The following GLRA3 variants were observed in gnomAD, a reference collection of about 807,000 sequenced individuals.
GLRA3 encodes the protein glycine receptor alpha 3.
A neutral mutation model predicts 60.4 loss-of-function variants in GLRA3; 44 were observed. That is an observed-to-expected ratio of 0.73 (90% confidence interval 0.57 to 0.94). The LOEUF is 0.94. Among genes scored for constraint, GLRA3 ranks in the 40% least tolerant of loss-of-function variants. GLRA3 has a pLI of 0.00. For synonymous variants in GLRA3, 223 were observed against 192.9 expected, an observed-to-expected ratio of 1.16 and a Z score of -1.29; for missense variants, 508 against 564.6, an observed-to-expected ratio of 0.90 and a Z score of 1.02.
rs372292473 is a variant in GLRA3, at chr4:174,643,812, C to T, written c.1369G>A (p.Glu457Lys). 7 of 1,613,444 alleles carry T rather than the reference C, an allele frequency of 4.3e-6. No individual in the cohort carries two copies. In the African/African-American group the frequency reaches 8.0e-5, roughly 18 times the overall value. The change falls in exon 10 of 10, where the codon GAG becomes AAG. Residue 457 changes from glutamate to lysine, a missense_variant. Transcript: ENST00000274093. ...YWVIYKILRHEDIHQQQD is the reference protein window; with the variant it reads ...YWVIYKILRHKDIHQQQD ...TAATCTTGCTGCTGATGAATATCCT[C>T]ATGCCTAAGAATTTTATAGATAACC...
intron 9 of GLRA3, among the ~76,000 whole-genome samples, chr4:174,645,767 C>T (rs757466644): frequency 1.3e-5 from 2 of 152,132 alleles, no homozygotes; most frequent in Non-Finnish European, 2.9e-5. Flanking sequence ...CGATTTTCCA[C>T]TACTCTTTAA....
chr4:174,735,842 C>T (rs936047917), intron 3 of GLRA3, among the ~76,000 whole-genome samples: 7 of 152,124 alleles, frequency 4.6e-5, no homozygotes, highest in East Asian at 3.9e-4. Flanking sequence ...GATTCCACCA[C>T]GCCTGGCCTC....
intron 2 of GLRA3, among the ~76,000 whole-genome samples, chr4:174,776,801 C>A (rs1738622535): frequency 6.6e-6 from 1 of 152,208 alleles, no homozygotes; most frequent in Non-Finnish European, 1.5e-5. Flanking sequence ...AATAAACATA[C>A]AAAATAGCAC....
chr4:174,718,791 T>G (rs2111104565), intron 4 of GLRA3, among the ~76,000 whole-genome samples: 1 of 152,256 alleles, frequency 6.6e-6, no homozygotes, highest in South Asian at 2.1e-4. Context: ...ACACTTTGTG[T>G]ATGTTAACTC....
At chr4:174,747,640 G>A (rs1396280603) in intron 3 of GLRA3, among the ~76,000 whole-genome samples, 1 of 152,086 alleles carries the variant, frequency 6.6e-6, no homozygotes, top group Admixed American at 6.6e-5. Context: ...ATATTTGCGG[G>A]GTAGAATTGC....
At chr4:174,755,165 A>T (rs926797793) in intron 3 of GLRA3, among the ~76,000 whole-genome samples, 1 of 152,128 alleles carries the variant, frequency 6.6e-6, no homozygotes, top group Non-Finnish European at 1.5e-5. Context: ...TGTGTCAAGA[A>T]CACATAATGA....
chr4:174,817,013 A>G (rs946427863), intron 1 of GLRA3, among the ~76,000 whole-genome samples: 2 of 151,890 alleles, frequency 1.3e-5, no homozygotes, highest in African/African-American at 2.4e-5. Context: ...CTCCTTTCCT[A>G]CCTGTCACAG....
At chr4:174,821,348 C>G (rs1039081682) in intron 1 of GLRA3, among the ~76,000 whole-genome samples, 1 of 151,914 alleles carries the variant, frequency 6.6e-6, no homozygotes, top group Non-Finnish European at 1.5e-5. Flanking sequence ...CTGCAAAGCC[C>G]TAGTAAAATT....
At chr4:174,704,650 T>C (rs1735449691) in intron 5 of GLRA3, among the ~76,000 whole-genome samples, 1 of 143,926 alleles carries the variant, frequency 6.9e-6, no homozygotes, top group South Asian at 2.2e-4. Context: ...ACATTCGTGT[T>C]CATAGCAGCA....
intron 5 of GLRA3, among the ~76,000 whole-genome samples, chr4:174,710,748 A>T (rs1360755803): frequency 1.3e-5 from 2 of 151,652 alleles, no homozygotes; most frequent in African/African-American, 2.4e-5. Flanking sequence ...GATTATTTCT[A>T]TTTCTTCATT....
chr4:174,688,508 A>T (rs1221184358), intron 5 of GLRA3, among the ~76,000 whole-genome samples: 1 of 151,076 alleles, frequency 6.6e-6, no homozygotes, highest in East Asian at 2.0e-4. Flanking sequence ...CTAAAATAGT[A>T]TGTGGCCAGC....
At chr4:174,702,617 G>A (rs1223194190) in intron 5 of GLRA3, among the ~76,000 whole-genome samples, 1 of 152,120 alleles carries the variant, frequency 6.6e-6, no homozygotes, top group Non-Finnish European at 1.5e-5. Flanking sequence ...GCCCAGGCTG[G>A]GGTGCAGTGC....
intron 2 of GLRA3, among the ~76,000 whole-genome samples, chr4:174,770,060 G>T (rs79563005): frequency 0.03 from 4,554 of 152,070 alleles, 219 homozygotes; most frequent in African/African-American, 0.1. Flanking sequence ...ATCATTTGAA[G>T]TTGCAATTTA....
chr4:174,729,241 T>C (rs1303709707), intron 3 of GLRA3, among the ~76,000 whole-genome samples: 1 of 152,262 alleles, frequency 6.6e-6, no homozygotes, highest in Non-Finnish European at 1.5e-5. Flanking sequence ...CTTCTTTGCA[T>C]TTATTTTTAG....
At chr4:174,730,298 C>T (rs1052639644) in intron 3 of GLRA3, among the ~76,000 whole-genome samples, 1 of 152,144 alleles carries the variant, frequency 6.6e-6, no homozygotes, top group African/African-American at 2.4e-5. Flanking sequence ...TTCTTGTTTC[C>T]TTCGCCATTC....
chr4:174,747,586 G>A (rs1480868120), intron 3 of GLRA3, among the ~76,000 whole-genome samples: 3 of 152,160 alleles, frequency 2.0e-5, no homozygotes, highest in African/African-American at 7.2e-5. Flanking sequence ...TCACAACAGT[G>A]AGAGGTGATC....
chr4:174,734,553 A>G (rs1393173317), intron 3 of GLRA3, among the ~76,000 whole-genome samples: 2 of 152,178 alleles, frequency 1.3e-5, no homozygotes, highest in Non-Finnish European at 1.5e-5. Flanking sequence ...TGACTTCTCC[A>G]TTATCCATAT....
intron 1 of GLRA3, among the ~76,000 whole-genome samples, chr4:174,809,315 A>G (rs979301078): frequency 6.6e-5 from 10 of 152,174 alleles, no homozygotes; most frequent in African/African-American, 2.4e-4. Flanking sequence ...AGGTTTGTGT[A>G]AGTACACTCT....
Position 174,711,445 on chromosome 4 carries a change from A to AT in GLRA3, c.574+4042dup, listed in dbSNP as rs1161026635. ...TTTTCCTAATTATATATATATATAT[A>AT]TTTTTTTTTTTTTTAGAGAGAGTCT... On this transcript the variant is annotated intron_variant, in intron 5 of 9. Transcript: ENST00000274093. Among the ~76,000 whole-genome samples, 890 of 142,788 alleles carry AT rather than the reference A, an allele frequency of 6.2e-3. 3 individuals are homozygous for AT. Among genetic ancestry groups the AT allele is most frequent in the African/African-American group, 0.011 (437 of 39,342 alleles). 93.7% of individuals were successfully genotyped at this position (142,788 alleles called of 152,430 possible).
Sources: allele counts gnomAD v4.1 joint callset (sites outside exome capture counted in the v4.1 genomes callset), GRCh38; gene constraint gnomAD v4.1.1; transcripts MANE v1.5; gene names NCBI Gene and HGNC (gene_info 2026-07-23, HGNC 2026-07-21).